Variants in FAT3 observed in about 807,000 individuals in gnomAD.
FAT3 encodes FAT atypical cadherin 3.
A neutral mutation model predicts 310.2 loss-of-function variants in FAT3; 95 were observed. The observed-to-expected ratio is 0.31, with a 90% CI of 0.26 to 0.36. The LOEUF (loss-of-function observed/expected upper bound fraction) is 0.36. Ranked by LOEUF, FAT3 falls within the 10% of genes least tolerant of loss-of-function variation. FAT3 has a pLI of 1.00. For missense variants in FAT3, 5,408 were observed against 5,715.6 expected, an observed-to-expected ratio of 0.95 and a Z score of 1.74; for synonymous variants, 2,314 against 2,192.9, an observed-to-expected ratio of 1.06 and a Z score of -1.54.
intron 1 of FAT3, among the ~76,000 whole-genome samples, chr11:92,268,754 C>G (rs761637876): frequency 6.6e-6 from 1 of 152,102 alleles, no homozygotes; most frequent in Non-Finnish European, 1.5e-5. Flanking sequence ...TATAAGTTAC[C>G]ATTGGCTTCA....
chr11:92,277,810 A>G (rs1011998915), intron 1 of FAT3, among the ~76,000 whole-genome samples: 9 of 151,940 alleles, frequency 5.9e-5, no homozygotes, highest in African/African-American at 2.2e-4. Flanking sequence ...CACACCATAT[A>G]CATTTGTAAC....
intron 1 of FAT3, among the ~76,000 whole-genome samples, chr11:92,332,062 T>C (rs1947936729): frequency 6.6e-6 from 1 of 152,198 alleles, no homozygotes; most frequent in Non-Finnish European, 1.5e-5. Context: ...GCTAACCTGA[T>C]CATTAAAGGA....
At position 92,761,718 on chromosome 11, in the gene FAT3, A is replaced by G. The variant is rs1946155603; in HGVS notation, c.3670-138A>G. ...CACAATTCAATCTATAGAAAGATGA[A>G]AAAAGAGAAGAAAATGAATACTAAA... On this transcript the variant is annotated intron_variant, in intron 4 of 27. Coordinates refer to ENST00000525166, the MANE Select transcript of FAT3 (RefSeq NM_001367949.2). 4 of 786,030 alleles carry G rather than the reference A, an allele frequency of 5.1e-6. No individual in the cohort carries two copies. The South Asian group carries it at 5.7e-5, about 11-fold the overall frequency. The allele number at this position is 786,030 out of a possible 1,614,324, so 48.7% of individuals were successfully genotyped here.
At chr11:92,688,927 G>A (rs537586498) in intron 3 of FAT3, among the ~76,000 whole-genome samples, 3 of 152,256 alleles carry the variant, frequency 2.0e-5, no homozygotes, top group East Asian at 1.9e-4. Context: ...AGTATTAAAT[G>A]TTTTAGAACT....
chr11:92,779,972 G>C lies in FAT3; in HGVS notation c.4335+5792G>C, dbSNP rs184738828. Among the ~76,000 whole-genome samples, 553 of 152,154 alleles carry C rather than the reference G, an allele frequency of 3.6e-3. 3 individuals carry two copies. The highest frequency in any genetic ancestry group is 7.5e-3 in the South Asian group (36 of 4,814). On this transcript the variant is annotated intron_variant, in intron 7 of 27. Transcript: ENST00000525166. ...CTGACAGCCAGCAGGGAAACCAGGG[G>C]CCTCCGTTCTACAACCACAAGGAAC...
intron 1 of FAT3, among the ~76,000 whole-genome samples, chr11:92,313,510 TACTG>T (rs1947360125): frequency 6.6e-6 from 1 of 152,218 alleles, no homozygotes. Context: ...TTTAATGTGT[TACTG>T]ACAATGTTTT....
chr11:92,624,479 T>A (rs1028875556), intron 3 of FAT3, among the ~76,000 whole-genome samples: 5 of 152,166 alleles, frequency 3.3e-5, no homozygotes, highest in Non-Finnish European at 7.3e-5. Context: ...GCACTGAATG[T>A]TTGAAAATGG....
At chr11:92,370,071 A>G (rs1178199489) in intron 2 of FAT3, among the ~76,000 whole-genome samples, 1 of 152,180 alleles carries the variant, frequency 6.6e-6, no homozygotes, top group Non-Finnish European at 1.5e-5. Context: ...GAGTTCTTTC[A>G]CTCAGACTCA....
Position 92,883,065 on chromosome 11 carries a change from G to A in FAT3, c.12609G>A (p.Lys4203=), listed in dbSNP as rs2136413215. ...QDPATAALLN[K]SNGIPFRNLR... is the part of the protein sequence containing the mutation. ...CGGCCACCGCCGCCCTGCTTAACAA[G>A]AGCAATGGCATCCCGTTCCGGAACC... The change falls in exon 24 of 28, where the codon AAG becomes AAA. Residue 4203 remains lysine, a synonymous_variant. Coordinates refer to ENST00000525166, the MANE Select transcript of FAT3 (RefSeq NM_001367949.2). The surrounding 1 kb of genome is among the most constrained non-coding windows in gnomAD (Gnocchi z 4.2). 2 of 1,613,914 alleles carry A rather than the reference G, an allele frequency of 1.2e-6. No individual in the cohort carries two copies.
At chr11:92,539,608 C>T (rs1435707290) in intron 3 of FAT3, among the ~76,000 whole-genome samples, 6 of 152,120 alleles carry the variant, frequency 3.9e-5, no homozygotes, top group Non-Finnish European at 8.8e-5. Flanking sequence ...AAGACAAAAG[C>T]ACCTCACAGT....
chr11:92,592,318 C>CTTTTT (rs753531647), intron 3 of FAT3, among the ~76,000 whole-genome samples: 23 of 108,238 alleles, frequency 2.1e-4, no homozygotes, highest in Non-Finnish European at 3.3e-4. Flanking sequence ...TCCTAATTGT[C>CTTTTT]TTTTTTTTTT....
chr11:92,548,139 G>A (rs887852070), intron 3 of FAT3, among the ~76,000 whole-genome samples: 2 of 152,154 alleles, frequency 1.3e-5, no homozygotes, highest in Non-Finnish European at 1.5e-5. Flanking sequence ...AGAATTACAG[G>A]CTTTTTAGTC....
rs1237722238 is a variant in FAT3 at position 92,705,267 on chromosome 11, T to TC, written c.3669+7824dup. Among the ~76,000 whole-genome samples the TC allele has an allele frequency of 5.3e-5, 8 of 151,824 alleles. No homozygotes were observed. In the South Asian group the frequency reaches 1.3e-3, roughly 24 times the overall value. On this transcript the variant is annotated intron_variant, in intron 4 of 27. Transcript: ENST00000525166. ...GCTAGTTAGGGATGGCCATTGACATTCCAAGTCTAGCTAAACAAGGAGTGG... is the reference window on the plus strand; with the variant it reads ...GCTAGTTAGGGATGGCCATTGACATTCCCAAGTCTAGCTAAACAAGGAGTGG...
intron 1 of FAT3, among the ~76,000 whole-genome samples, chr11:92,309,908 G>C (rs1947252568): frequency 6.6e-6 from 1 of 151,910 alleles, no homozygotes; most frequent in Admixed American, 6.6e-5. Context: ...GCTCTTGAGG[G>C]AAGATTGGAA....
chr11:92,870,205 G>A (rs1242162321), intron 22 of FAT3, among the ~76,000 whole-genome samples: 3 of 152,150 alleles, frequency 2.0e-5, no homozygotes, highest in East Asian at 3.9e-4. Context: ...ACAACAAGAA[G>A]CATTTTTCTT....
chr11:92,594,214 C>T (rs966844629), intron 3 of FAT3, among the ~76,000 whole-genome samples: 4 of 152,024 alleles, frequency 2.6e-5, no homozygotes, highest in Admixed American at 6.6e-5. Flanking sequence ...AGGCCGAGGC[C>T]GGCAGATCAC....
chr11:92,660,165 TC>T (rs1182857112), intron 3 of FAT3, among the ~76,000 whole-genome samples: 2 of 151,986 alleles, frequency 1.3e-5, no homozygotes, highest in African/African-American at 4.8e-5. Context: ...TCATTGAATT[TC>T]TAGCAACATT....
chr11:92,596,669 C>T (rs1284704161), intron 3 of FAT3, among the ~76,000 whole-genome samples: 1 of 152,200 alleles, frequency 6.6e-6, no homozygotes, highest in East Asian at 1.9e-4. Flanking sequence ...CTCCTTCATA[C>T]TGGCTGTGTT....
intron 2 of FAT3, among the ~76,000 whole-genome samples, chr11:92,452,022 C>T (rs746216093): frequency 2.6e-5 from 4 of 152,102 alleles, no homozygotes; most frequent in Admixed American, 1.3e-4. Flanking sequence ...TTTCTTTGGG[C>T]CTTTATACAT....
Sources: allele counts gnomAD v4.1 joint callset (sites outside exome capture counted in the v4.1 genomes callset), GRCh38; gene constraint gnomAD v4.1.1; non-coding constraint Gnocchi (gnomAD v3.1); transcripts MANE v1.5; gene names NCBI Gene and HGNC (gene_info 2026-07-23, HGNC 2026-07-21).